Variants in RAP1A observed in about 807,000 individuals in gnomAD.
The protein encoded by RAP1A is RAP1A, member of RAS oncogene family, also known as ras-related protein Rap-1A.
A neutral mutation model predicts 26.4 loss-of-function variants in RAP1A; 6 were observed. That is an observed-to-expected ratio of 0.23 (90% confidence interval 0.12 to 0.45). The LOEUF is 0.45. Ranked by LOEUF, RAP1A falls within the 20% of genes least tolerant of loss-of-function variation. The pLI is 0.99. For missense variants in RAP1A, 121 were observed against 217.2 expected (o/e 0.56, Z 2.78); for synonymous variants, 73 against 79.4 (o/e 0.92, Z 0.43).
intron 1 of RAP1A, among the ~76,000 whole-genome samples, chr1:111,556,826 A>G (rs766234021): frequency 6.6e-6 from 1 of 152,148 alleles, no homozygotes; most frequent in Non-Finnish European, 1.5e-5. Flanking sequence ...GGTAGTAATG[A>G]TTGCACAACA....
chr1:111,609,371 T>A (rs1658879089), intron 1 of RAP1A, among the ~76,000 whole-genome samples: 1 of 152,118 alleles, frequency 6.6e-6, no homozygotes, highest in African/African-American at 2.4e-5. Context: ...AAAGCCCACT[T>A]CTTTGGTAGC....
chr1:111,577,292 C>T (rs1002486793), intron 1 of RAP1A, among the ~76,000 whole-genome samples: 2 of 145,942 alleles, frequency 1.4e-5, no homozygotes, highest in Non-Finnish European at 3.0e-5. Flanking sequence ...ATCCCAGCTA[C>T]TTGGGAGGCT....
chr1:111,702,989 G>T (rs1207704017), intron 4 of RAP1A, among the ~76,000 whole-genome samples: 1 of 152,220 alleles, frequency 6.6e-6, no homozygotes, highest in Non-Finnish European at 1.5e-5. Flanking sequence ...TGAAGTCATA[G>T]TTTAGTATTG....
At chr1:111,594,953 C>G (rs959416857) in intron 1 of RAP1A, among the ~76,000 whole-genome samples, 1 of 152,192 alleles carries the variant, frequency 6.6e-6, no homozygotes, top group African/African-American at 2.4e-5. Flanking sequence ...TTCCAGTTCT[C>G]TTATAGGCAT....
At chr1:111,542,382 A>G in exon 1 of RAP1A, 1 of 229,680 alleles carries the variant, frequency 4.4e-6, no homozygotes. Context: ...GAGAGGTGGT[A>G]GAGCAGGAAG....
At chr1:111,593,346 C>T (rs1166830085) in intron 1 of RAP1A, among the ~76,000 whole-genome samples, 1 of 152,212 alleles carries the variant, frequency 6.6e-6, no homozygotes, top group East Asian at 1.9e-4. Flanking sequence ...TAGGGCCATT[C>T]CCTTTCTGGT....
At chr1:111,629,455 G>T (rs1477583107) in intron 1 of RAP1A, among the ~76,000 whole-genome samples, 1 of 152,030 alleles carries the variant, frequency 6.6e-6, no homozygotes, top group African/African-American at 2.4e-5. Flanking sequence ...TGAATTGTCT[G>T]CTCGGTATCT....
intron 1 of RAP1A, among the ~76,000 whole-genome samples, chr1:111,587,189 A>C (rs987438285): frequency 6.6e-6 from 1 of 151,958 alleles, no homozygotes; most frequent in African/African-American, 2.4e-5. Flanking sequence ...ATATAGATTC[A>C]TTTGCTCCAA....
chr1:111,615,829 CA>C (rs34751097), upstream of RAP1A, among the ~76,000 whole-genome samples: 21,355 of 86,356 alleles, frequency 0.25, 1,104 homozygotes, highest in South Asian at 0.27. Context: ...GACTCTGTCT[CA>C]AAAAAAAAAA....
intron 1 of RAP1A, among the ~76,000 whole-genome samples, chr1:111,656,217 G>C (rs1660453756): frequency 6.6e-6 from 1 of 151,680 alleles, no homozygotes; most frequent in Non-Finnish European, 1.5e-5. Flanking sequence ...GGGAGATGAA[G>C]TAATATCGGC....
intron 1 of RAP1A, among the ~76,000 whole-genome samples, chr1:111,614,737 T>G (rs930684688): frequency 1.3e-5 from 2 of 152,250 alleles, no homozygotes; most frequent in Non-Finnish European, 2.9e-5. Context: ...GTATGGATGC[T>G]CTACAGATTT....
chr1:111,656,819 G>A (rs527533620), intron 1 of RAP1A, among the ~76,000 whole-genome samples: 44 of 150,942 alleles, frequency 2.9e-4, no homozygotes, highest in Admixed American at 2.4e-3. Flanking sequence ...ATGGAGAATT[G>A]TGTTGTATTT....
chr1:111,594,578 A>C (rs1658529742), intron 1 of RAP1A, among the ~76,000 whole-genome samples: 1 of 145,640 alleles, frequency 6.9e-6, no homozygotes, highest in Admixed American at 6.8e-5. Flanking sequence ...GGAAGGAAGG[A>C]AGGAAGGAAG....
In RAP1A at chr1:111,607,733, C is replaced by CA. The variant is rs1170683023; in HGVS notation, c.-28+65225dup. Among the ~76,000 whole-genome samples, 7 of 142,316 alleles carry CA rather than the reference C, an allele frequency of 4.9e-5. No individual in the cohort carries two copies. The South Asian group carries it at 1.6e-3, about 32-fold the overall frequency. 93.4% of individuals were successfully genotyped at this position (142,316 alleles called of 152,430 possible). Reference sequence around the variant, plus strand: ...CTCCCGGACGGGGCGGCTGGCCGGGCAGAGGGGCTCCTCACTTCCCAGTAG... The same window carrying CA: ...CTCCCGGACGGGGCGGCTGGCCGGGCAAGAGGGGCTCCTCACTTCCCAGTAG... On this transcript the variant is annotated intron_variant, in intron 1 of 7. Transcript: ENST00000356415.
chr1:111,673,376 G>C (rs906818487), intron 1 of RAP1A, among the ~76,000 whole-genome samples: 6 of 152,100 alleles, frequency 3.9e-5, no homozygotes, highest in African/African-American at 1.4e-4. Context: ...AATGAATTTT[G>C]TTTTATAAGT....
upstream of RAP1A, among the ~76,000 whole-genome samples, chr1:111,616,476 G>A (rs1392990831): frequency 1.3e-5 from 2 of 152,012 alleles, no homozygotes; most frequent in Non-Finnish European, 2.9e-5. Flanking sequence ...TCCCCTAACC[G>A]CCTTACTCAC....
intron 1 of RAP1A, among the ~76,000 whole-genome samples, chr1:111,556,932 A>C (rs555154466): frequency 0.026 from 3,911 of 152,110 alleles, 152 homozygotes; most frequent in African/African-American, 0.089. Flanking sequence ...TATATTACCA[A>C]GGTTTTTTCA....
intron 6 of RAP1A, among the ~76,000 whole-genome samples, chr1:111,704,890 C>T (rs954642221): frequency 5.3e-5 from 8 of 152,086 alleles, no homozygotes; most frequent in African/African-American, 1.9e-4. Flanking sequence ...GAATTGTGTT[C>T]TGAGTCTTAC....
At chr1:111,550,770 C>T (rs368141930) in intron 1 of RAP1A, among the ~76,000 whole-genome samples, 3 of 152,230 alleles carry the variant, frequency 2.0e-5, no homozygotes, top group South Asian at 2.1e-4. Context: ...GCTGGGATTA[C>T]AGGCACATGC....
Sources: gnomAD v4.1 joint callset for allele counts (sites outside exome capture counted in the v4.1 genomes callset) on GRCh38, gnomAD v4.1.1 for gene constraint, MANE v1.5 for transcripts, NCBI Gene and HGNC (gene_info 2026-07-23, HGNC 2026-07-21) for gene names.